Variants in SLIT3 observed in about 807,000 individuals in gnomAD.
The protein encoded by SLIT3 is slit guidance ligand 3, also known as slit homolog 3 protein.
A neutral mutation model predicts 184.0 loss-of-function variants in SLIT3; 68 were observed. That is an observed-to-expected ratio of 0.37 (90% CI 0.30 to 0.45). The LOEUF (loss-of-function observed/expected upper bound fraction) is 0.45, where lower values mean the gene tolerates loss of function less well. Ranked by LOEUF, SLIT3 falls within the 20% of genes least tolerant of loss-of-function variation. The pLI, the probability that SLIT3 is intolerant of heterozygous loss-of-function variation, is 1.00. For missense variants in SLIT3, 1,707 were observed against 2,026.0 expected, an observed-to-expected ratio of 0.84 and a Z score of 3.02; for synonymous variants, 831 against 828.6, an observed-to-expected ratio of 1.00 and a Z score of -0.05.
intron 4 of SLIT3, among the ~76,000 whole-genome samples, chr5:168,986,945 G>A (rs1581270710): frequency 1.3e-5 from 2 of 152,238 alleles, no homozygotes; most frequent in Non-Finnish European, 2.9e-5. Flanking sequence ...GTACTCAGGA[G>A]GCTGAGGCAG....
intron 4 of SLIT3, among the ~76,000 whole-genome samples, chr5:168,908,811 T>C (rs1761164255): frequency 6.6e-6 from 1 of 152,220 alleles, no homozygotes; most frequent in African/African-American, 2.4e-5. Flanking sequence ...TTACAAACGA[T>C]GGAGGTGTTC....
rs537694297 is a variant in SLIT3 at position 168,967,008 on chromosome 5, T to C, written c.414-83672A>G. ...CCCAAAAATATATGTACAAGGATGT[T>C]CCCTGGAGCACTTTGGATGATGGAA... On this transcript the variant is annotated intron_variant, in intron 4 of 35. Transcript: ENST00000519560. Among the ~76,000 whole-genome samples, 20 of 152,308 alleles carry C rather than the reference T, an allele frequency of 1.3e-4. 1 individual carries two copies. Among genetic ancestry groups the C allele is most frequent in the Admixed American group, 1.2e-3 (18 of 15,292 alleles).
At chr5:168,768,238 G>A in intron 14 of SLIT3, 1 of 512,780 alleles carries the variant, frequency 2.0e-6, no homozygotes, top group East Asian at 5.6e-5. Context: ...ACAAAGGAAA[G>A]CCCCGCAGCG....
chr5:169,045,808 C>T (rs1757604050), intron 4 of SLIT3, among the ~76,000 whole-genome samples: 1 of 152,186 alleles, frequency 6.6e-6, no homozygotes, highest in Non-Finnish European at 1.5e-5. Flanking sequence ...CCCATAGCAC[C>T]TGGTGAGTCC....
chr5:169,118,936 C>T (rs1315530499), intron 4 of SLIT3, among the ~76,000 whole-genome samples: 3 of 152,030 alleles, frequency 2.0e-5, no homozygotes, highest in Non-Finnish European at 4.4e-5. Flanking sequence ...TATAAACTAC[C>T]ATTTATGACC....
At chr5:169,174,093 GGCAC>G (rs1762896575) in intron 4 of SLIT3, among the ~76,000 whole-genome samples, 1 of 152,162 alleles carries the variant, frequency 6.6e-6, no homozygotes, top group African/African-American at 2.4e-5. Context: ...CCATCACAAG[GGCAC>G]ACCTGAAAGA....
intron 4 of SLIT3, among the ~76,000 whole-genome samples, chr5:169,169,474 A>T (rs1196159727): frequency 6.6e-6 from 1 of 152,258 alleles, no homozygotes; most frequent in Non-Finnish European, 1.5e-5. Flanking sequence ...AACATAACTC[A>T]GGAAAATAAA....
intron 4 of SLIT3, among the ~76,000 whole-genome samples, chr5:169,093,435 T>G (rs1401725140): frequency 1.5e-5 from 2 of 134,150 alleles, no homozygotes; most frequent in South Asian, 2.7e-4. Context: ...AACTTAATAT[T>G]CAAAAGAACC....
chr5:169,185,659 G>A (rs192789148), intron 4 of SLIT3, among the ~76,000 whole-genome samples: 85 of 152,316 alleles, frequency 5.6e-4, no homozygotes, highest in Admixed American at 4.1e-3. Context: ...TGCCGAATTG[G>A]AAGACTAAGG....
chr5:169,219,927 A>C (rs1356691751), intron 3 of SLIT3, among the ~76,000 whole-genome samples: 1 of 152,124 alleles, frequency 6.6e-6, no homozygotes, highest in Admixed American at 6.5e-5. Context: ...TTGACATTCT[A>C]TGTGTGAGAC....
At chr5:168,966,434 G>A (rs1763196772) in intron 4 of SLIT3, among the ~76,000 whole-genome samples, 1 of 152,064 alleles carries the variant, frequency 6.6e-6, no homozygotes, top group Non-Finnish European at 1.5e-5. Context: ...CCTGGGTCAG[G>A]GCACCAGGAG....
chr5:168,811,467 C>CA (rs1439512919), intron 8 of SLIT3, among the ~76,000 whole-genome samples: 10 of 152,264 alleles, frequency 6.6e-5, no homozygotes, highest in African/African-American at 1.4e-4. Flanking sequence ...TCTGCTCTGC[C>CA]AAAAGGAACC....
intron 4 of SLIT3, among the ~76,000 whole-genome samples, chr5:169,047,252 A>T (rs1412184641): frequency 1.3e-5 from 2 of 152,098 alleles, no homozygotes; most frequent in Non-Finnish European, 2.9e-5. Flanking sequence ...ATCCTGGTGA[A>T]CAATGTCCCT....
chr5:168,719,419 A>G (rs868326526), intron 23 of SLIT3, among the ~76,000 whole-genome samples: 7 of 152,060 alleles, frequency 4.6e-5, no homozygotes, highest in African/African-American at 1.4e-4. Flanking sequence ...AACTATCACA[A>G]TTTTTTTCAT....
At chr5:168,822,449 C>A (rs1757562853) in intron 7 of SLIT3, among the ~76,000 whole-genome samples, 1 of 152,182 alleles carries the variant, frequency 6.6e-6, no homozygotes, top group Non-Finnish European at 1.5e-5. Context: ...CTGGCTCTCC[C>A]TGACCAGTGT....
chr5:168,779,692 A>G (rs1015264472), intron 12 of SLIT3, among the ~76,000 whole-genome samples: 2 of 152,248 alleles, frequency 1.3e-5, no homozygotes, highest in Non-Finnish European at 2.9e-5. Context: ...GAGCTGGAGG[A>G]GGGAAATGAA....
At chr5:169,235,508 G>A (rs1765163960) in intron 3 of SLIT3, among the ~76,000 whole-genome samples, 2 of 152,150 alleles carry the variant, frequency 1.3e-5, no homozygotes, top group Admixed American at 1.3e-4. Flanking sequence ...TAATACAGTT[G>A]TCATAATTAA....
chr5:168,780,540 T>G (rs1447260147), intron 12 of SLIT3, among the ~76,000 whole-genome samples: 1 of 152,232 alleles, frequency 6.6e-6, no homozygotes, highest in Non-Finnish European at 1.5e-5. Context: ...AAGTGGGTTA[T>G]GAAGGCTCTT....
At chr5:168,785,136 T>G (rs1215341850) in intron 12 of SLIT3, among the ~76,000 whole-genome samples, 1 of 131,746 alleles carries the variant, frequency 7.6e-6, no homozygotes, top group African/African-American at 2.8e-5. Flanking sequence ...TGCACATGCA[T>G]GCACACACAC....
Sources: allele counts gnomAD v4.1 joint callset (sites outside exome capture counted in the v4.1 genomes callset), GRCh38; gene constraint gnomAD v4.1.1; transcripts MANE v1.5; gene names NCBI Gene and HGNC (gene_info 2026-07-23, HGNC 2026-07-21).